ABCD2: variants seen among roughly 807,000 people sequenced by gnomAD.
ABCD2 encodes ATP binding cassette subfamily D member 2.
In ABCD2, 36 loss-of-function variants were observed where a neutral mutation model predicts 70.9. The ratio of observed to expected loss-of-function variants is 0.51; its 90% CI spans 0.39 to 0.67. ABCD2 has a LOEUF of 0.67. Among genes scored for constraint, ABCD2 ranks in the 30% least tolerant of loss-of-function variants. ABCD2 has a pLI of 0.00. For missense variants in ABCD2, 729 were observed against 890.2 expected (o/e 0.82, Z 2.30); for synonymous variants, 304 against 306.9 (o/e 0.99, Z 0.10).
At chr12:39,582,658 A>G (rs1329330816) in intron 7 of ABCD2, among the ~76,000 whole-genome samples, 2 of 152,212 alleles carry the variant, frequency 1.3e-5, no homozygotes, top group African/African-American at 4.8e-5. Context: ...ACATGAAACA[A>G]AAAATCAATC....
intron 2 of ABCD2, among the ~76,000 whole-genome samples, chr12:39,614,757 T>G (rs1290819762): frequency 6.6e-6 from 1 of 152,158 alleles, no homozygotes; most frequent in African/African-American, 2.4e-5. Flanking sequence ...TTTCATGTGT[T>G]AAGTCTTTGT....
At chr12:39,569,509 C>G (rs925652505) in intron 9 of ABCD2, among the ~76,000 whole-genome samples, 4 of 152,180 alleles carry the variant, frequency 2.6e-5, no homozygotes, top group African/African-American at 9.7e-5. Context: ...ACCCGATTTT[C>G]CAGGTGCCGT....
At position 39,551,033 on chromosome 12, in the gene ABCD2, G is replaced by A. The variant is rs909341323; in HGVS notation, c.*2879C>T. 7 of 151,622 alleles carry A rather than the reference G, an allele frequency of 4.6e-5. No individual in the cohort carries two copies. Among genetic ancestry groups the A allele is most frequent in the Admixed American group, 3.9e-4 (6 of 15,212 alleles). The allele number at this position is 151,622 out of a possible 1,614,324, so 9.4% of individuals were successfully genotyped here. Reference sequence around the variant, plus strand: ...GAGACAAAAACCAAATTTCTATCAAGAGAAAACCATTCCCACTGTAAACAA... The same window carrying A: ...GAGACAAAAACCAAATTTCTATCAAAAGAAAACCATTCCCACTGTAAACAA... On this transcript the variant is annotated 3_prime_UTR_variant, in exon 10 of 10. Coordinates refer to ENST00000308666, the MANE Select transcript of ABCD2 (RefSeq NM_005164.4).
chr12:39,588,382 C>G (rs1186872418), intron 6 of ABCD2, among the ~76,000 whole-genome samples: 1 of 152,024 alleles, frequency 6.6e-6, no homozygotes, highest in Admixed American at 6.6e-5. Context: ...CCTGGATTAA[C>G]CAGATGAGTC....
At chr12:39,609,220 A>G (rs1942013070) in intron 2 of ABCD2, among the ~76,000 whole-genome samples, 1 of 152,166 alleles carries the variant, frequency 6.6e-6, no homozygotes, top group Admixed American at 6.5e-5. Context: ...ATTACTGTCA[A>G]TGGAGAATTA....
intron 9 of ABCD2, among the ~76,000 whole-genome samples, chr12:39,559,334 A>T (rs984613558): frequency 6.9e-6 from 1 of 144,630 alleles, no homozygotes; most frequent in Non-Finnish European, 1.5e-5. Flanking sequence ...CTAAGATCAC[A>T]CCATTGCACT....
chr12:39,616,619 T>C (rs139219448), intron 2 of ABCD2, among the ~76,000 whole-genome samples: 190 of 152,272 alleles, frequency 1.2e-3, no homozygotes, highest in African/African-American at 4.5e-3. Flanking sequence ...AGAACTAATG[T>C]TTATAACACA....
chr12:39,582,134 T>C (rs745726866), intron 7 of ABCD2, among the ~76,000 whole-genome samples: 1 of 152,228 alleles, frequency 6.6e-6, no homozygotes, highest in Non-Finnish European at 1.5e-5. Flanking sequence ...GTTTAAGAAT[T>C]AAGCAAGTAA....
chr12:39,604,384 T>C (rs1259601209), intron 4 of ABCD2, among the ~76,000 whole-genome samples: 1 of 151,958 alleles, frequency 6.6e-6, no homozygotes, highest in Non-Finnish European at 1.5e-5. Flanking sequence ...AAATAAGACA[T>C]AGAATAATGC....
chr12:39,580,636 T>A (rs967929471), intron 7 of ABCD2, among the ~76,000 whole-genome samples: 5 of 152,106 alleles, frequency 3.3e-5, no homozygotes, highest in Admixed American at 2.6e-4. Context: ...AAAGATTACT[T>A]AAAAATAAAA....
chr12:39,560,905 G>C (rs112453732), intron 9 of ABCD2, among the ~76,000 whole-genome samples: 4 of 151,792 alleles, frequency 2.6e-5, no homozygotes, highest in Admixed American at 2.6e-4. Flanking sequence ...TGTAGTAGAC[G>C]CACTAAAAAT....
chr12:39,576,224 A>G (rs188846508), intron 8 of ABCD2, among the ~76,000 whole-genome samples: 5 of 152,180 alleles, frequency 3.3e-5, no homozygotes, highest in Non-Finnish European at 7.3e-5. Context: ...CAGTGGCACC[A>G]TCTCGGCTCA....
At chr12:39,539,148 C>T in the ABCD2 span, among the ~76,000 whole-genome samples, 1 of 152,204 alleles carries the variant, frequency 6.6e-6, no homozygotes, top group South Asian at 2.1e-4. Context: ...AGACATACTG[C>T]ATTCTTCCAT....
At chr12:39,542,112 T>C in the ABCD2 span, among the ~76,000 whole-genome samples, 1 of 152,180 alleles carries the variant, frequency 6.6e-6, no homozygotes. Context: ...TGGATGTTTA[T>C]GTTTCATGAA....
intron 9 of ABCD2, among the ~76,000 whole-genome samples, chr12:39,570,502 A>G (rs1312304945): frequency 3.3e-5 from 5 of 152,212 alleles, no homozygotes; most frequent in African/African-American, 1.2e-4. Flanking sequence ...AGTATCCTCA[A>G]TAAATTGTGG....
At chr12:39,549,943 A>G (rs1941064947), downstream of ABCD2, 1 of 151,838 alleles carries the variant, frequency 6.6e-6, no homozygotes, top group Non-Finnish European at 1.5e-5. Context: ...ATTTGTGCCT[A>G]CTTGGTAAGT....
Position 39,560,387 on chromosome 12 carries a change from C to G in ABCD2, c.2004-6256G>C, listed in dbSNP as rs201275576. 8.5e-5 allele frequency among the ~76,000 whole-genome samples: 13 copies of G among 152,264 alleles called. No homozygotes were observed. In the East Asian group the frequency reaches 2.5e-3, roughly 29 times the overall value. On this transcript the variant is annotated intron_variant, in intron 9 of 9. Transcript: ENST00000308666. ...AGTATTCCATGGTGTATATGTGCCA[C>G]ATTTTCTTAATCCAGTCTATCATTG...
chr12:39,537,545 CAAAAT>C, the ABCD2 span, among the ~76,000 whole-genome samples: 3 of 152,102 alleles, frequency 2.0e-5, no homozygotes, highest in African/African-American at 7.2e-5. Flanking sequence ...AAAACAGAAT[CAAAAT>C]AAAGCAATCT....
the ABCD2 span, among the ~76,000 whole-genome samples, chr12:39,542,048 T>G: frequency 6.6e-6 from 1 of 152,204 alleles, no homozygotes; most frequent in Non-Finnish European, 1.5e-5. Context: ...TGGCAAATGC[T>G]CTATTTCTTA....
Sources: allele counts gnomAD v4.1 joint callset (sites outside exome capture counted in the v4.1 genomes callset), GRCh38; gene constraint gnomAD v4.1.1; transcripts MANE v1.5; gene names NCBI Gene and HGNC (gene_info 2026-07-23, HGNC 2026-07-21).